The following CDC123 variants were observed in gnomAD, a reference collection of about 807,000 sequenced individuals.
CDC123 encodes translation initiation factor eIF2 assembly protein.
In CDC123, 37 loss-of-function variants were observed where a neutral mutation model predicts 54.4. That is an observed-to-expected ratio of 0.68 (90% CI 0.52 to 0.89). The LOEUF (loss-of-function observed/expected upper bound fraction) is 0.89, where lower values mean the gene tolerates loss of function less well. Ranked by LOEUF, CDC123 falls within the 40% of genes least tolerant of loss-of-function variation. The pLI is 0.00. For synonymous variants in CDC123, 144 were observed against 136.8 expected, an observed-to-expected ratio of 1.05 and a Z score of -0.37; for missense variants, 361 against 412.1, an observed-to-expected ratio of 0.88 and a Z score of 1.07.
chr10:12,225,127 G>A (rs1026041603), intron 6 of CDC123, among the ~76,000 whole-genome samples: 2 of 152,180 alleles, frequency 1.3e-5, no homozygotes, highest in African/African-American at 4.8e-5. Context: ...GGGTGCGGTG[G>A]CTCACATCTG....
At chr10:12,209,929 G>A in intron 2 of CDC123, 38 bp from the exon 3 acceptor site, 1 of 1,605,848 alleles carries the variant, frequency 6.2e-7, no homozygotes, top group Non-Finnish European at 8.5e-7. Flanking sequence ...CGGTGCCCAA[G>A]TCCTTTTCTT....
chr10:12,216,136 CAG>C (rs1564435705), intron 5 of CDC123, among the ~76,000 whole-genome samples: 1 of 152,032 alleles, frequency 6.6e-6, no homozygotes, highest in Admixed American at 6.6e-5. Context: ...TTCAGTTTAA[CAG>C]AGAAATTTTT....
intron 2 of CDC123, among the ~76,000 whole-genome samples, chr10:12,199,814 T>C (rs58941631): frequency 1.3e-5 from 2 of 152,000 alleles, no homozygotes; most frequent in Admixed American, 6.6e-5. Flanking sequence ...TTTACAGATA[T>C]AATTTTTTTT....
intron 2 of CDC123, among the ~76,000 whole-genome samples, chr10:12,204,897 G>A (rs1454040495): frequency 6.6e-6 from 1 of 150,496 alleles, no homozygotes; most frequent in Admixed American, 6.6e-5. Context: ...GGAGGCTGAG[G>A]CAAGAGAATC....
At chr10:12,249,127 CAAAA>C (rs58244020) in intron 11 of CDC123, among the ~76,000 whole-genome samples, 94 of 133,958 alleles carry the variant, frequency 7.0e-4, no homozygotes, top group African/African-American at 2.5e-3. Flanking sequence ...GACTTTGCCT[CAAAA>C]AAAAAAAAAA....
intron 1 of CDC123, among the ~76,000 whole-genome samples, chr10:12,198,179 A>G (rs1272814141): frequency 6.6e-6 from 1 of 152,216 alleles, no homozygotes. Flanking sequence ...GCAGCTTTAT[A>G]TCTCTGGTGA....
intron 6 of CDC123, among the ~76,000 whole-genome samples, chr10:12,230,177 ATGGGTTTTTTTTGTTTTT>A (rs1190250340): frequency 1.3e-5 from 2 of 151,434 alleles, no homozygotes; most frequent in African/African-American, 2.4e-5. Flanking sequence ...GGTACATAAG[ATGGGTTTTTTTTGTTTTT>A]TGGGTTTTTT....
intron 7 of CDC123, among the ~76,000 whole-genome samples, chr10:12,233,427 G>A (rs1184045660): frequency 6.6e-6 from 1 of 152,044 alleles, no homozygotes; most frequent in Admixed American, 6.6e-5. Context: ...GACAGAGTTC[G>A]GGAGAGACAC....
At chr10:12,220,245 T>A (rs1248625508) in intron 6 of CDC123, among the ~76,000 whole-genome samples, 4 of 152,242 alleles carry the variant, frequency 2.6e-5, no homozygotes, top group South Asian at 4.1e-4. Context: ...ATGTTTTTTT[T>A]AAATCAGCTT....
chr10:12,246,074 T>C (rs1362997858), intron 10 of CDC123, 75 bp from the exon 11 acceptor site: 1 of 1,507,580 alleles, frequency 6.6e-7, no homozygotes, highest in South Asian at 1.2e-5. Context: ...TGTCTCAGAA[T>C]AAAAAAGTGT....
intron 2 of CDC123, among the ~76,000 whole-genome samples, chr10:12,209,144 T>C (rs1835561714): frequency 6.6e-6 from 1 of 152,148 alleles, no homozygotes; most frequent in African/African-American, 2.4e-5. Context: ...CAATGGAGTC[T>C]TTTTTTCCCT....
chr10:12,229,965 C>A (rs931067497), intron 6 of CDC123, among the ~76,000 whole-genome samples: 1 of 148,564 alleles, frequency 6.7e-6, no homozygotes, highest in African/African-American at 2.6e-5. Flanking sequence ...TGGACAATGA[C>A]AGTGCCTTCC....
chr10:12,218,705 A>C (rs561940323), intron 6 of CDC123, among the ~76,000 whole-genome samples: 2 of 152,296 alleles, frequency 1.3e-5, no homozygotes, highest in African/African-American at 4.8e-5. Context: ...AATATCCTTG[A>C]GCTAACTCTT....
chr10:12,231,146 C>T, intron 7 of CDC123, 150 bp downstream of exon 7: 1 of 638,340 alleles, frequency 1.6e-6, no homozygotes, highest in Non-Finnish European at 2.7e-6. Flanking sequence ...GAAATATACA[C>T]ATAAAAGGAT....
intron 9 of CDC123, 47 bp from the exon 10 acceptor site, chr10:12,238,410 T>C: frequency 1.3e-6 from 2 of 1,576,186 alleles, no homozygotes; most frequent in East Asian, 2.3e-5. Flanking sequence ...AGATTTACAT[T>C]GTGAAATATT....
chr10:12,230,214 A>G (rs1233315150), intron 6 of CDC123, among the ~76,000 whole-genome samples: 4 of 149,604 alleles, frequency 2.7e-5, no homozygotes, highest in Non-Finnish European at 5.9e-5. Flanking sequence ...TTTTTTTGAG[A>G]TGGAGTCTCG....
At chr10:12,249,159 T>C (rs1016982292) in intron 11 of CDC123, among the ~76,000 whole-genome samples, 1 of 146,056 alleles carries the variant, frequency 6.8e-6, no homozygotes, top group Non-Finnish European at 1.5e-5. Flanking sequence ...TTGGCATGGG[T>C]GCAACAGCCC....
At chr10:12,202,212 G>A (rs560472119) in intron 2 of CDC123, among the ~76,000 whole-genome samples, 3 of 152,260 alleles carry the variant, frequency 2.0e-5, no homozygotes, top group East Asian at 1.9e-4. Context: ...CTGTTTCACC[G>A]TCACTCCATT....
At chr10:12,210,362 CTG>C in intron 4 of CDC123, 40 bp downstream of exon 4, 2 of 1,612,762 alleles carry the variant, frequency 1.2e-6, no homozygotes, top group Non-Finnish European at 1.7e-6. Context: ...CAGCCTCACA[CTG>C]TCACACAAGG....
Sources: allele counts gnomAD v4.1 joint callset (sites outside exome capture counted in the v4.1 genomes callset), GRCh38; gene constraint gnomAD v4.1.1; transcripts MANE v1.5; gene names NCBI Gene and HGNC (gene_info 2026-07-23, HGNC 2026-07-21).